NELL2: variants seen among roughly 807,000 people sequenced by gnomAD.
The protein encoded by NELL2 is protein kinase C-binding protein NELL2.
A neutral mutation model predicts 109.6 loss-of-function variants in NELL2; 41 were observed. The ratio of observed to expected loss-of-function variants is 0.37; its 90% CI spans 0.29 to 0.49. The LOEUF (loss-of-function observed/expected upper bound fraction) is 0.49. Among genes scored for constraint, NELL2 ranks in the 20% least tolerant of loss-of-function variants. The pLI is 0.98. For missense variants in NELL2, 900 were observed against 1,008.3 expected (o/e 0.89, Z 1.45); for synonymous variants, 355 against 344.7 (o/e 1.03, Z -0.33).
chr12:44,669,612 A>AG (rs1275579876), intron 12 of NELL2, among the ~76,000 whole-genome samples: 2 of 152,128 alleles, frequency 1.3e-5, no homozygotes, highest in Admixed American at 6.5e-5. Context: ...AAAATGTAAT[A>AG]GCTTCAACAA....
chr12:44,513,306 C>G (rs1941084400), intron 19 of NELL2, among the ~76,000 whole-genome samples: 1 of 151,904 alleles, frequency 6.6e-6, no homozygotes. Context: ...AGAACAAAAA[C>G]AGTCTTCACA....
intron 2 of NELL2, among the ~76,000 whole-genome samples, chr12:44,829,556 T>C (rs11182706): frequency 0.29 from 44,597 of 151,994 alleles, 7,745 homozygotes; most frequent in South Asian, 0.58. Flanking sequence ...CTACTGAAAC[T>C]TGAACAAATG....
intron 12 of NELL2, among the ~76,000 whole-genome samples, chr12:44,690,366 G>A (rs1423038926): frequency 6.6e-6 from 1 of 152,076 alleles, no homozygotes; most frequent in Non-Finnish European, 1.5e-5. Context: ...CCAAAAACCT[G>A]CTCTCTTCAA....
At chr12:44,771,220 A>G (rs1477549424) in intron 9 of NELL2, among the ~76,000 whole-genome samples, 1 of 152,188 alleles carries the variant, frequency 6.6e-6, no homozygotes, top group Non-Finnish European at 1.5e-5. Context: ...GAAAGGAAAG[A>G]GGATGAGTGG....
At chr12:44,564,030 C>G (rs1943569252) in intron 15 of NELL2, among the ~76,000 whole-genome samples, 1 of 152,116 alleles carries the variant, frequency 6.6e-6, no homozygotes, top group South Asian at 2.1e-4. Flanking sequence ...AGGATGATAA[C>G]ACATTTCCAT....
chr12:44,713,825 T>A (rs1353763416), intron 10 of NELL2, among the ~76,000 whole-genome samples: 1 of 151,928 alleles, frequency 6.6e-6, no homozygotes, highest in African/African-American at 2.4e-5. Context: ...CAATCATAGT[T>A]TATTGGTGGT....
chr12:44,624,668 G>A (rs1046183844), intron 13 of NELL2, among the ~76,000 whole-genome samples: 10 of 151,988 alleles, frequency 6.6e-5, no homozygotes, highest in Non-Finnish European at 1.3e-4. Context: ...CAAGAGGAAG[G>A]CAGAAAGGCA....
chr12:44,831,996 G>A (rs898607033), intron 2 of NELL2, among the ~76,000 whole-genome samples: 8 of 152,130 alleles, frequency 5.3e-5, no homozygotes, highest in Non-Finnish European at 8.8e-5. Context: ...AATGTTCCCC[G>A]TGGGTCTCAT....
upstream of NELL2, among the ~76,000 whole-genome samples, chr12:44,880,057 G>T (rs961529266): frequency 1.3e-5 from 2 of 151,002 alleles, no homozygotes; most frequent in Non-Finnish European, 2.9e-5. Context: ...AATAATAATT[G>T]TCATTGTTAT....
intron 2 of NELL2, among the ~76,000 whole-genome samples, chr12:44,824,959 C>T (rs986086954): frequency 1.3e-5 from 2 of 152,088 alleles, no homozygotes; most frequent in Non-Finnish European, 2.9e-5. Flanking sequence ...ATCCACCCAT[C>T]TCGGCCTCCC....
At chr12:44,734,385 GA>G (rs1939531268) in intron 9 of NELL2, among the ~76,000 whole-genome samples, 4 of 151,682 alleles carry the variant, frequency 2.6e-5, no homozygotes, top group Admixed American at 6.6e-5. Context: ...AAACAGTTTA[GA>G]GCTGAGTTTC....
chr12:44,522,060 C>T lies in NELL2; in HGVS notation c.2115G>A (p.Gly705=). 2 of 1,614,044 alleles carry T rather than the reference C, an allele frequency of 1.2e-6. No individual in the cohort carries two copies. The highest frequency in any genetic ancestry group is 1.7e-6 in the Non-Finnish European group (2 of 1,180,002). ...TGTCACCACTGTTATACAAAGTTTC[C>T]CCATTTTGATGGAGGCACTGACTAC... ...RLSSQCLHQN[G]ETLYNSGDTW... is the part of the protein sequence containing the mutation. Residue 705 remains glycine (G), a synonymous_variant, in exon 18 of 20, where the codon GGG becomes GGA. Coordinates refer to ENST00000429094, the MANE Select transcript of NELL2 (RefSeq NM_001145108.2).
At chr12:44,839,090 C>T (rs936003469) in intron 2 of NELL2, among the ~76,000 whole-genome samples, 10 of 150,846 alleles carry the variant, frequency 6.6e-5, no homozygotes, top group Middle Eastern at 3.4e-3. Context: ...CTGTGCCACA[C>T]GTGTGAATTT....
chr12:44,719,203 T>A (rs1290663056), intron 9 of NELL2, among the ~76,000 whole-genome samples: 1 of 152,190 alleles, frequency 6.6e-6, no homozygotes, highest in African/African-American at 2.4e-5. Flanking sequence ...CATCAGTTGT[T>A]AAAAAGTGAA....
intron 12 of NELL2, among the ~76,000 whole-genome samples, chr12:44,688,137 C>T (rs1948785335): frequency 6.6e-6 from 1 of 152,142 alleles, no homozygotes; most frequent in Non-Finnish European, 1.5e-5. Context: ...ACAAATTACA[C>T]ATATTCTATA....
chr12:44,683,405 CT>C (rs1948597707), intron 12 of NELL2, among the ~76,000 whole-genome samples: 2 of 145,664 alleles, frequency 1.4e-5, no homozygotes, highest in Admixed American at 6.6e-5. Flanking sequence ...ATTGAATACC[CT>C]TTATTTCCTT....
chr12:44,888,386 T>G (rs1592705385), intron 1 of NELL2, among the ~76,000 whole-genome samples: 1 of 151,468 alleles, frequency 6.6e-6, no homozygotes, highest in Non-Finnish European at 1.5e-5. Context: ...AGTTGGTTTT[T>G]TTTTTTTTTT....
chr12:44,637,804 G>A (rs140743586), intron 13 of NELL2, among the ~76,000 whole-genome samples: 321 of 151,672 alleles, frequency 2.1e-3, no homozygotes, highest in Non-Finnish European at 3.5e-3. Context: ...AAGTTGATAT[G>A]CATCTTAATG....
At chr12:44,837,421 G>A (rs537799612) in intron 2 of NELL2, among the ~76,000 whole-genome samples, 18 of 152,226 alleles carry the variant, frequency 1.2e-4, no homozygotes, top group East Asian at 3.9e-4. Context: ...CAAAACTGCC[G>A]GCAGGTTGAG....
Sources: allele counts gnomAD v4.1 joint callset (sites outside exome capture counted in the v4.1 genomes callset), GRCh38; gene constraint gnomAD v4.1.1; transcripts MANE v1.5; gene names NCBI Gene and HGNC (gene_info 2026-07-23, HGNC 2026-07-21).